ASL: variants seen among roughly 807,000 people sequenced by gnomAD.
ASL encodes argininosuccinate lyase, also known as argininosuccinase.
A neutral mutation model predicts 69.1 loss-of-function variants in ASL; 51 were observed. The ratio of observed to expected loss-of-function variants is 0.74; its 90% CI spans 0.59 to 0.93. The LOEUF (loss-of-function observed/expected upper bound fraction) is 0.93, where lower values mean the gene tolerates loss of function less well. Among genes scored for constraint, ASL ranks in the 40% least tolerant of loss-of-function variants. The pLI is 0.00. For synonymous variants in ASL, 241 were observed against 247.6 expected (o/e 0.97, Z 0.25); for missense variants, 540 against 623.9 (o/e 0.87, Z 1.43).
Position 66,087,716 on chromosome 7 carries a change from C to A in ASL, c.656-13C>A. On this transcript the variant is annotated splice_polypyrimidine_tract_variant and intron_variant, in intron 9 of 16. Transcript: ENST00000304874. ...GTCCTCCAGCTTAGCCCTGCTTCCT[C>A]CCACCCCCCCAGAACTCAACTTTGG... 6.2e-7 allele frequency: 1 copy of A among 1,614,018 alleles called. No homozygotes were observed. Among genetic ancestry groups the A allele is most frequent in the African/African-American group, 1.3e-5 (1 of 75,006 alleles).
chr7:66,075,988 C>A, intron 1 of ASL, 51 bp from the exon 2 acceptor site: 1 of 1,529,098 alleles, frequency 6.5e-7, no homozygotes, highest in Non-Finnish European at 8.9e-7. Context: ...CCAGCCCGGC[C>A]CGGGGGACCC....
At chr7:66,085,671 A>C (rs920926724) in intron 6 of ASL, among the ~76,000 whole-genome samples, 2 of 151,106 alleles carry the variant, frequency 1.3e-5, no homozygotes, top group African/African-American at 4.9e-5. Context: ...GCAATGGTGC[A>C]ATCTCAACTC....
intron 14 of ASL, 57 bp from the exon 15 acceptor site, chr7:66,091,949 G>A (rs1167406): frequency 1.3e-6 from 2 of 1,594,562 alleles, no homozygotes; most frequent in Non-Finnish European, 8.6e-7. Flanking sequence ...TCCTGGGCCT[G>A]GCAGCTTCAG....
chr7:66,092,671 C>T lies in ASL; in HGVS notation c.1250+8C>T. The stretch of plus-strand genomic sequence containing the variant: ...GGAGCTGCAGACCATCAGGTACGGC[C>T]CATCCCCTTCCCCATGCTGCCTCCT... On this transcript the variant is annotated splice_region_variant and intron_variant, in intron 16 of 16. Transcript: ENST00000304874. The T allele has an allele frequency of 6.2e-7, 1 of 1,613,738 alleles. No homozygotes were observed. Among genetic ancestry groups the T allele is most frequent in the Admixed American group, 1.7e-5 (1 of 60,008 alleles).
chr7:66,091,891 G>T, intron 14 of ASL, 115 bp from the exon 15 acceptor site: 1 of 1,016,222 alleles, frequency 9.8e-7, no homozygotes, highest in Non-Finnish European at 1.5e-6. Context: ...AGCCGAGTGG[G>T]TAAGAGAGTA....
At chr7:66,076,193 G>C in intron 2 of ASL, 100 bp downstream of exon 2, 1 of 1,497,984 alleles carries the variant, frequency 6.7e-7, no homozygotes, top group Non-Finnish European at 9.1e-7. Context: ...TCGCCCTCCA[G>C]GAAGCAATTT....
At chr7:66,075,902 C>G (rs1461312763) in intron 1 of ASL, 46 bp downstream of exon 1, 4 of 734,240 alleles carry the variant, frequency 5.4e-6, no homozygotes, top group Non-Finnish European at 9.1e-6. Context: ...TGGAGGACGC[C>G]GAGCACCGTG....
Position 66,082,410 on chromosome 7 carries a change from AATG to A in ASL, c.255_257del (p.Asp85del). The A allele has an allele frequency of 1.2e-6, 2 of 1,612,498 alleles. No individual in the cohort carries two copies. The highest frequency in any genetic ancestry group is 1.7e-6 in the Non-Finnish European group (2 of 1,179,726). ...CCAGGGCACCTTCAAACTGAACTCC[AATG>A]ATGAGGACATCCACACAGCCAATGA... is the stretch of plus-strand genomic sequence containing the variant. On this transcript the variant is annotated inframe_deletion, in exon 4 of 17. Transcript: ENST00000304874.
intron 2 of ASL, among the ~76,000 whole-genome samples, chr7:66,076,468 A>C (rs116558359): frequency 8.7e-4 from 133 of 152,206 alleles, no homozygotes; most frequent in African/African-American, 3.0e-3. Context: ...ACCCCACACC[A>C]CATCCCTTCT....
chr7:66,087,175 G>A (rs969289135), intron 8 of ASL, 159 bp from the exon 9 acceptor site: 3 of 815,308 alleles, frequency 3.7e-6, no homozygotes, highest in Non-Finnish European at 6.1e-6. Flanking sequence ...AGGAGACTGG[G>A]CCAGGGAAGA....
At chr7:66,075,989 C>T (rs1439320478) in intron 1 of ASL, 50 bp from the exon 2 acceptor site, 37 of 1,529,128 alleles carry the variant, frequency 2.4e-5, no homozygotes, top group Non-Finnish European at 3.1e-5. Flanking sequence ...CAGCCCGGCC[C>T]GGGGGACCCT....
At position 66,083,116 on chromosome 7, in the gene ASL, T is replaced by G. The variant is rs770853301; in HGVS notation, c.388T>G (p.Ser130Ala). Residue 130 changes from serine (S) to alanine (A), a missense_variant, in exon 6 of 17, where the codon TCC becomes GCC. Coordinates refer to ENST00000304874, the MANE Select transcript of ASL (RefSeq NM_000048.4). ...CAGGCTGTGGATGCGGCAGACCTGCTCCACGCTCTCGGGCCTCCTCTGGGA... is the reference window on the plus strand; with the variant it reads ...CAGGCTGTGGATGCGGCAGACCTGCGCCACGCTCTCGGGCCTCCTCTGGGA... ...DLRLWMRQTCSTLSGLLWELI... is the reference protein window; with the variant it reads ...DLRLWMRQTCATLSGLLWELI... 1 of 1,613,608 alleles carries G rather than the reference T, an allele frequency of 6.2e-7. No individual in the cohort carries two copies. The highest frequency in any genetic ancestry group is 8.5e-7 in the Non-Finnish European group (1 of 1,179,974).
At chr7:66,088,246 C>T (rs1421880129) in intron 10 of ASL, among the ~76,000 whole-genome samples, 8 of 151,500 alleles carry the variant, frequency 5.3e-5, no homozygotes, top group Admixed American at 1.3e-4. Context: ...TTTGGGAGTC[C>T]GAGGCAGGTG....
chr7:66,082,445 C>T lies in ASL; in HGVS notation c.285C>T (p.Arg95=), dbSNP rs757105613. 5 of 1,609,564 alleles carry T rather than the reference C, an allele frequency of 3.1e-6. No homozygotes were observed. The South Asian group carries it at 5.6e-5, about 18-fold the overall frequency. ...DEDIHTANER[R]LKELIGATAG... is the part of the protein sequence containing the mutation. Reference sequence around the variant, plus strand: ...ACATCCACACAGCCAATGAGCGCCGCCTGAAGGTACGACCCCTGGAGCCCC... The same window carrying T: ...ACATCCACACAGCCAATGAGCGCCGTCTGAAGGTACGACCCCTGGAGCCCC... The change falls in exon 4 of 17, where the codon CGC becomes CGT. Residue 95 remains arginine (R), a synonymous_variant. Transcript: ENST00000304874.
intron 14 of ASL, 45 bp from the exon 15 acceptor site, chr7:66,091,961 T>C: frequency 6.2e-7 from 1 of 1,606,796 alleles, no homozygotes; most frequent in Non-Finnish European, 8.5e-7. Flanking sequence ...CAGCTTCAGA[T>C]CCCAGGGTCC....
Position 66,093,120 on chromosome 7 carries a change from G to C in ASL, c.*208G>C. 2.7e-6 allele frequency: 2 copies of C among 743,336 alleles called. No homozygotes were observed. Among genetic ancestry groups the C allele is most frequent in the Non-Finnish European group, 4.4e-6 (2 of 454,700 alleles). The allele number at this position is 743,336 out of a possible 1,614,324, so 46.0% of individuals were successfully genotyped here. On this transcript the variant is annotated 3_prime_UTR_variant, in exon 17 of 17. Transcript: ENST00000304874. ...TGCTTGAGGCCAGGAGTTTGACACA[G>C]CCTGGGCAACACAGGGAGACCCCCA...
At chr7:66,083,361 G>A (rs1012303568) in intron 6 of ASL, 187 bp downstream of exon 6, 7 of 594,032 alleles carry the variant, frequency 1.2e-5, no homozygotes, top group Non-Finnish European at 1.5e-5. Flanking sequence ...ATACTCCCAT[G>A]CCAGTCTAGC....
At position 66,092,799 on chromosome 7, in the gene ASL, T is replaced by C. The variant is rs768362148; in HGVS notation, c.1282T>C (p.Trp428Arg). Residue 428 changes from tryptophan to arginine, a missense_variant, in exon 17 of 17, where the codon TGG becomes CGG. Coordinates refer to ENST00000304874, the MANE Select transcript of ASL (RefSeq NM_000048.4). Reference protein sequence around the residue: ...PLFSGDVICVWDYGHSVEQYG... With the variant: ...PLFSGDVICVRDYGHSVEQYG... Reference sequence around the variant, plus strand: ...GTTCTCGGGCGACGTGATCTGCGTGTGGGACTACGGGCACAGTGTGGAGCA... The same window carrying C: ...GTTCTCGGGCGACGTGATCTGCGTGCGGGACTACGGGCACAGTGTGGAGCA... The C allele has an allele frequency of 6.2e-7, 1 of 1,613,920 alleles. No homozygotes were observed. Among genetic ancestry groups the C allele is most frequent in the South Asian group, 1.1e-5 (1 of 91,084 alleles).
intron 2 of ASL, among the ~76,000 whole-genome samples, chr7:66,076,753 T>C (rs1018000032): frequency 1.3e-5 from 2 of 152,080 alleles, no homozygotes; most frequent in African/African-American, 2.4e-5. Context: ...GGGGTAATAA[T>C]AGCTGTCGGC....
Sources: gnomAD v4.1 joint callset for allele counts (sites outside exome capture counted in the v4.1 genomes callset) on GRCh38, gnomAD v4.1.1 for gene constraint, MANE v1.5 for transcripts, NCBI Gene and HGNC (gene_info 2026-07-23, HGNC 2026-07-21) for gene names.